Variants in NUS1 observed in about 807,000 individuals in gnomAD.
NUS1 encodes the protein NUS1 dehydrodolichyl diphosphate synthase subunit.
For synonymous variants in NUS1, 135 were observed against 155.2 expected (o/e 0.87, Z 0.97); for missense variants, 292 against 382.9 (o/e 0.76, Z 1.98).
In NUS1 at chr6:117,706,949, C is replaced by G; in HGVS notation, c.816C>G (p.Ile272Met). 6.2e-7 allele frequency: 1 copy of G among 1,612,694 alleles called. No homozygotes were observed. Among genetic ancestry groups the G allele is most frequent in the Non-Finnish European group, 8.5e-7 (1 of 1,178,914 alleles). Residue 272 changes from isoleucine (I) to methionine (M), a missense_variant, in exon 5 of 5, where the codon ATC (isoleucine) becomes ATG (methionine). Transcript: ENST00000368494. The part of the protein sequence containing the change: ...EIVSLPSHLN[I>M]SYEDFFSALR... ...GCTCTTTGCCTTCCCACCTAAACAT[C>G]AGTTATGAGGACTTTTTCTCTGCCC...
At chr6:117,703,124 A>G (rs1773435000) in intron 3 of NUS1, among the ~76,000 whole-genome samples, 1 of 152,180 alleles carries the variant, frequency 6.6e-6, no homozygotes, top group African/African-American at 2.4e-5. Flanking sequence ...TTTTGGGTTC[A>G]TAGCTGTAAA....
rs201025128 is a variant in NUS1, at chr6:117,694,191, T to A, written c.691+11T>A. 1.4e-4 allele frequency: 206 copies of A among 1,492,160 alleles called. No homozygotes were observed. The highest frequency in any genetic ancestry group is 2.6e-4 in the Admixed American group (14 of 53,728). The allele number at this position is 1,492,160 out of a possible 1,614,324, so 92.4% of individuals were successfully genotyped here. A position where few individuals can be genotyped will look rare whatever the true frequency, so the allele number is the denominator to read the frequency against. On this transcript the variant is annotated intron_variant, in intron 3 of 4. Coordinates refer to ENST00000368494, the MANE Select transcript of NUS1 (RefSeq NM_138459.5). ...TAGCCAGTTTACTTAGTAAGTTTTT[T>A]TATATATATATACATATATATGTAT...
At chr6:117,704,443 G>A (rs912207847) in intron 4 of NUS1, among the ~76,000 whole-genome samples, 1 of 152,168 alleles carries the variant, frequency 6.6e-6, no homozygotes, top group African/African-American at 2.4e-5. Flanking sequence ...ACAGTCACTT[G>A]CAACTGCTCC....
At chr6:117,697,020 A>C (rs574543980) in intron 3 of NUS1, among the ~76,000 whole-genome samples, 34 of 152,260 alleles carry the variant, frequency 2.2e-4, no homozygotes, top group African/African-American at 8.2e-4. Context: ...GGGGAGATGA[A>C]TGTAAAGTAT....
chr6:117,692,617 A>G (rs1189252780), intron 1 of NUS1, among the ~76,000 whole-genome samples: 1 of 152,168 alleles, frequency 6.6e-6, no homozygotes, highest in Non-Finnish European at 1.5e-5. Context: ...ATTATTTAAT[A>G]CAAGTAGTAA....
chr6:117,681,898 T>A (rs1773066464), intron 1 of NUS1, among the ~76,000 whole-genome samples: 1 of 152,214 alleles, frequency 6.6e-6, no homozygotes, highest in Admixed American at 6.5e-5. Context: ...AGTGGTGCGA[T>A]CTCGGCTCAC....
intron 1 of NUS1, among the ~76,000 whole-genome samples, chr6:117,680,823 A>G (rs1773050453): frequency 6.6e-6 from 1 of 152,234 alleles, no homozygotes; most frequent in African/African-American, 2.4e-5. Context: ...TGAGAATTCA[A>G]CAGTAAGACA....
rs1053142 is a variant in NUS1, at chr6:117,708,633, G to A, written c.*1618G>A. ...CTTTGCACTGCATAATCCATTATAC[G>A]TTGTACGACTTTTTTTTTTTGTTTT... On this transcript the variant is annotated 3_prime_UTR_variant, in exon 5 of 5. Coordinates refer to ENST00000368494, the MANE Select transcript of NUS1 (RefSeq NM_138459.5). 8 of 148,376 alleles carry A rather than the reference G, an allele frequency of 5.4e-5. No homozygotes were observed. Among genetic ancestry groups the A allele is most frequent in the Admixed American group, 2.7e-4 (4 of 14,720 alleles). The allele number at this position is 148,376 out of a possible 1,614,324, so 9.2% of individuals were successfully genotyped here.
chr6:117,691,624 T>C (rs1773222885), intron 1 of NUS1, among the ~76,000 whole-genome samples: 1 of 146,614 alleles, frequency 6.8e-6, no homozygotes, highest in Non-Finnish European at 1.5e-5. Flanking sequence ...ATAATTTTGA[T>C]TGTTTAATTA....
At chr6:117,703,887 A>T (rs1242365914) in intron 4 of NUS1, among the ~76,000 whole-genome samples, 183 bp downstream of exon 4, 1 of 152,208 alleles carries the variant, frequency 6.6e-6, no homozygotes, top group Non-Finnish European at 1.5e-5. Context: ...AAGAGAGTGT[A>T]TAGTTGTGCA....
At chr6:117,676,143 G>T in intron 1 of NUS1, 58 bp downstream of exon 1, 1 of 1,548,176 alleles carries the variant, frequency 6.5e-7, no homozygotes, top group Non-Finnish European at 8.7e-7. Context: ...CTAGACCGCT[G>T]GTCTGGCGGG....
chr6:117,686,676 T>C (rs1773144355), intron 1 of NUS1, among the ~76,000 whole-genome samples: 1 of 152,220 alleles, frequency 6.6e-6, no homozygotes, highest in Non-Finnish European at 1.5e-5. Flanking sequence ...AAAATAACTT[T>C]TGTAATAGTT....
intron 1 of NUS1, among the ~76,000 whole-genome samples, chr6:117,681,727 A>G (rs1773064160): frequency 6.6e-6 from 1 of 152,220 alleles, no homozygotes; most frequent in East Asian, 1.9e-4. Flanking sequence ...CTTAATCTCT[A>G]CCTTTGTGTA....
intron 1 of NUS1, among the ~76,000 whole-genome samples, chr6:117,690,912 G>A (rs1420928029): frequency 5.4e-5 from 8 of 147,520 alleles, no homozygotes; most frequent in South Asian, 2.1e-4. Flanking sequence ...CCCAGGAGGC[G>A]GAGGTTGCAG....
rs946375222 is a variant in NUS1, at chr6:117,710,310, CT to C, written c.*3297del. On this transcript the variant is annotated 3_prime_UTR_variant, in exon 5 of 5. Coordinates refer to ENST00000368494, the MANE Select transcript of NUS1 (RefSeq NM_138459.5). ...AAGGCAAATAACTGCTTACTAGGAA[CT>C]TCCTTTAGCAAAAATTACTATAAAG... 38 of 152,138 alleles carry C rather than the reference CT, an allele frequency of 2.5e-4. No individual in the cohort carries two copies. The highest frequency in any genetic ancestry group is 8.9e-4 in the African/African-American group (37 of 41,534). The allele number at this position is 152,138 out of a possible 1,614,324, so 9.4% of individuals were successfully genotyped here.
chr6:117,698,747 T>G (rs754958234), intron 3 of NUS1, among the ~76,000 whole-genome samples: 15 of 152,128 alleles, frequency 9.9e-5, no homozygotes, highest in Non-Finnish European at 2.1e-4. Context: ...GTACCACTGA[T>G]AAATGTTCAT....
intron 4 of NUS1, among the ~76,000 whole-genome samples, chr6:117,704,122 C>T (rs1773467912): frequency 6.6e-6 from 1 of 152,072 alleles, no homozygotes; most frequent in African/African-American, 2.4e-5. Context: ...TCAAATAGTT[C>T]AGAGGTGTCA....
At position 117,697,843 on chromosome 6, in the gene NUS1, G is replaced by A. The variant is rs929354981; in HGVS notation, c.691+3663G>A. 7.2e-5 allele frequency among the ~76,000 whole-genome samples: 11 copies of A among 152,046 alleles called. No individual in the cohort carries two copies. The East Asian group carries it at 2.1e-3, about 29-fold the overall frequency. ...ATATTTACAAAACATTTTATCCAATGGCTGCAGAATATACATTCTCCTTGT... is the reference window on the plus strand; with the variant it reads ...ATATTTACAAAACATTTTATCCAATAGCTGCAGAATATACATTCTCCTTGT... On this transcript the variant is annotated intron_variant, in intron 3 of 4. Transcript: ENST00000368494.
intron 3 of NUS1, among the ~76,000 whole-genome samples, chr6:117,695,496 G>C (rs548119770): frequency 2.0e-5 from 3 of 152,304 alleles, no homozygotes; most frequent in South Asian, 4.1e-4. Flanking sequence ...CCTAATAAGA[G>C]AGTAATTTCA....
Sources: gnomAD v4.1 joint callset for allele counts (sites outside exome capture counted in the v4.1 genomes callset) on GRCh38, gnomAD v4.1.1 for gene constraint, MANE v1.5 for transcripts, NCBI Gene and HGNC (gene_info 2026-07-23, HGNC 2026-07-21) for gene names.